NUB1: variants seen among roughly 807,000 people sequenced by gnomAD.
The protein encoded by NUB1 is negative regulator of ubiquitin like proteins 1.
In NUB1, 41 loss-of-function variants were observed where a neutral mutation model predicts 77.1. The observed-to-expected ratio is 0.53, with a 90% CI of 0.41 to 0.69. NUB1 has a LOEUF of 0.69. Among genes scored for constraint, NUB1 ranks in the 30% least tolerant of loss-of-function variants. The probability of loss-of-function intolerance (pLI) is 0.00; values close to 1 mark genes in which losing one functional copy is unlikely to be tolerated. For synonymous variants in NUB1, 257 were observed against 281.0 expected, an observed-to-expected ratio of 0.91 and a Z score of 0.85; for missense variants, 643 against 743.8, an observed-to-expected ratio of 0.86 and a Z score of 1.58.
chr7:151,345,199 T>G, intron 1 of NUB1, 149 bp from the exon 2 acceptor site: 1 of 491,514 alleles, frequency 2.0e-6, no homozygotes, highest in South Asian at 2.7e-5. Context: ...TTTAGAGAAG[T>G]CTGGAGCTCA....
At chr7:151,363,779 TTTTTA>T (rs1370167151) in intron 8 of NUB1, among the ~76,000 whole-genome samples, 1 of 152,124 alleles carries the variant, frequency 6.6e-6, no homozygotes, top group African/African-American at 2.4e-5. Flanking sequence ...TTGGCTTATT[TTTTTA>T]TTTTATTTTT....
At chr7:151,348,388 T>C (rs888872241) in intron 2 of NUB1, among the ~76,000 whole-genome samples, 1 of 152,010 alleles carries the variant, frequency 6.6e-6, no homozygotes, top group Non-Finnish European at 1.5e-5. Flanking sequence ...TCTGGGTTTT[T>C]TTTTCATTTT....
intron 1 of NUB1, 50 bp from the exon 2 acceptor site, chr7:151,345,297 AC>A: frequency 8.4e-7 from 1 of 1,193,138 alleles, no homozygotes; most frequent in Non-Finnish European, 1.2e-6. Flanking sequence ...TAAGTTATTA[AC>A]ATTTTAAAAT....
intron 4 of NUB1, chr7:151,352,066 C>T (rs1796829349): frequency 2.2e-6 from 1 of 456,416 alleles, no homozygotes; most frequent in Admixed American, 2.4e-5. Context: ...GCTGATTTTT[C>T]TCATTTCCTT....
At chr7:151,365,582 T>C (rs961011109) in intron 8 of NUB1, among the ~76,000 whole-genome samples, 1 of 152,154 alleles carries the variant, frequency 6.6e-6, no homozygotes, top group Non-Finnish European at 1.5e-5. Flanking sequence ...TCAACACGAC[T>C]GTGAGATCAG....
Position 151,373,602 on chromosome 7 carries a change from G to A in NUB1, c.1249-495G>A, listed in dbSNP as rs559079657. 1.1e-4 allele frequency among the ~76,000 whole-genome samples: 17 copies of A among 152,342 alleles called. No homozygotes were observed. In the East Asian group the frequency reaches 2.9e-3, roughly 26 times the overall value. ...CCTTGCTCCCCAGGCTGTGGGGGGCGGGTCACCAGCTTTGGCATTGCCCAG... is the reference window on the plus strand; with the variant it reads ...CCTTGCTCCCCAGGCTGTGGGGGGCAGGTCACCAGCTTTGGCATTGCCCAG... On this transcript the variant is annotated intron_variant, in intron 11 of 14. Transcript: ENST00000568733.
At chr7:151,376,119 G>A (rs1798221669) in intron 13 of NUB1, 176 bp downstream of exon 13, 2 of 578,626 alleles carry the variant, frequency 3.5e-6, no homozygotes, top group Non-Finnish European at 6.2e-6. Context: ...GAGGGCAGGG[G>A]AGGCCTCCTT....
chr7:151,359,209 C>A lies in NUB1; in HGVS notation c.694-932C>A, dbSNP rs940095778. Among the ~76,000 whole-genome samples the A allele has an allele frequency of 2.0e-5, 3 of 149,380 alleles. No individual in the cohort carries two copies. The East Asian group carries it at 6.1e-4, about 31-fold the overall frequency. Reference sequence around the variant, plus strand: ...ATCCCAGCACTTTGGGAGGCCGAGGCGGGCAGATCACGAGGTCAGAAGATC... The same window carrying A: ...ATCCCAGCACTTTGGGAGGCCGAGGAGGGCAGATCACGAGGTCAGAAGATC... On this transcript the variant is annotated intron_variant, in intron 7 of 14. Transcript: ENST00000568733.
At chr7:151,356,563 A>T (rs1797071088) in intron 7 of NUB1, among the ~76,000 whole-genome samples, 1 of 152,210 alleles carries the variant, frequency 6.6e-6, no homozygotes, top group Non-Finnish European at 1.5e-5. Context: ...CCCCTAAGGG[A>T]TGGATCAGAA....
At chr7:151,370,320 C>T (rs1797897995) in intron 11 of NUB1, among the ~76,000 whole-genome samples, 1 of 152,084 alleles carries the variant, frequency 6.6e-6, no homozygotes, top group Non-Finnish European at 1.5e-5. Context: ...AACTCCTGAC[C>T]TCAAGTGATC....
intron 7 of NUB1, among the ~76,000 whole-genome samples, chr7:151,356,942 C>T (rs1032382856): frequency 3.9e-5 from 6 of 152,108 alleles, no homozygotes; most frequent in Admixed American, 3.9e-4. Flanking sequence ...GTCTTGAACT[C>T]CCGACCTCAG....
rs1338681848 is a variant in NUB1 at position 151,374,176 on chromosome 7, G to C, written c.1328G>C (p.Gly443Ala). ...LENIRFLKGM[G>A]YSTHAAQQVL... is the part of the protein sequence containing the mutation. ...AACATCAGGTTTCTGAAAGGGATGG[G>C]CTACTCCACGCACGCGGCCCAGCAG... The change falls in exon 12 of 15, where the codon GGC becomes GCC. Residue 443 changes from glycine (G) to alanine (A), a missense_variant. Coordinates refer to ENST00000568733, the MANE Select transcript of NUB1 (RefSeq NM_001243351.2). The C allele has an allele frequency of 1.3e-6, 2 of 1,575,498 alleles. No homozygotes were observed. Among genetic ancestry groups the C allele is most frequent in the South Asian group, 2.3e-5 (2 of 85,538 alleles).
In NUB1 at chr7:151,364,594, G is replaced by A. The variant is rs925730466; in HGVS notation, c.801-2345G>A. On this transcript the variant is annotated intron_variant, in intron 8 of 14. Coordinates refer to ENST00000568733, the MANE Select transcript of NUB1 (RefSeq NM_001243351.2). The stretch of plus-strand genomic sequence containing the variant: ...CGCTGGAGTGCAATGGCACGATCTC[G>A]GCTCACTGCAACCTCCGCCTCCTGG... Among the ~76,000 whole-genome samples, 22 of 151,994 alleles carry A rather than the reference G, an allele frequency of 1.4e-4. No individual in the cohort carries two copies. In the East Asian group the frequency reaches 3.7e-3, roughly 26 times the overall value.
At chr7:151,342,052 G>C (rs779929455) in intron 1 of NUB1, 61 of 959,182 alleles carry the variant, frequency 6.4e-5, no homozygotes, top group Non-Finnish European at 8.3e-5. Flanking sequence ...GGCCGTTCGG[G>C]GCCCTTTGGT....
At chr7:151,351,648 TG>T (rs1796800172) in intron 4 of NUB1, among the ~76,000 whole-genome samples, 166 bp downstream of exon 4, 1 of 152,124 alleles carries the variant, frequency 6.6e-6, no homozygotes, top group African/African-American at 2.4e-5. Context: ...GAGCTGTCAC[TG>T]GTAGGTAAGT....
At chr7:151,346,978 G>A (rs1050221851) in intron 2 of NUB1, among the ~76,000 whole-genome samples, 14 of 152,082 alleles carry the variant, frequency 9.2e-5, no homozygotes, top group African/African-American at 2.9e-4. Flanking sequence ...GGAGTCTAAC[G>A]CTAACTCTGG....
chr7:151,344,413 C>T (rs1195084445), intron 1 of NUB1, among the ~76,000 whole-genome samples: 9 of 150,842 alleles, frequency 6.0e-5, no homozygotes, highest in East Asian at 2.0e-4. Flanking sequence ...TGGATTCAAG[C>T]GATTCTCCTG....
At chr7:151,371,096 T>C (rs1797936253) in intron 11 of NUB1, among the ~76,000 whole-genome samples, 1 of 152,110 alleles carries the variant, frequency 6.6e-6, no homozygotes, top group Admixed American at 6.5e-5. Context: ...TTGGAGAAAA[T>C]GCAAATAAAA....
In NUB1 at chr7:151,376,757, C is replaced by T. The variant is rs752559659; in HGVS notation, c.1615C>T (p.Leu539=). ...AGGAAGCCTGCCTCCCGAGCTGCCG[C>T]TGTCGCCAGAAGACTCTTTGTCCCC... is the stretch of plus-strand genomic sequence containing the variant. The part of the protein sequence containing the change: ...NGGSLPPELP[L]SPEDSLSPPA... Residue 539 remains leucine (L), a synonymous_variant, in exon 14 of 15, where the codon CTG becomes TTG. Coordinates refer to ENST00000568733, the MANE Select transcript of NUB1 (RefSeq NM_001243351.2). The T allele has an allele frequency of 3.8e-6, 6 of 1,596,550 alleles. No individual in the cohort carries two copies.
Sources: allele counts gnomAD v4.1 joint callset (sites outside exome capture counted in the v4.1 genomes callset), GRCh38; gene constraint gnomAD v4.1.1; transcripts MANE v1.5; gene names NCBI Gene and HGNC (gene_info 2026-07-23, HGNC 2026-07-21).